Variants in SCARB2 observed in about 807,000 individuals in gnomAD.
SCARB2 encodes lysosome membrane protein 2.
A neutral mutation model predicts 58.6 loss-of-function variants in SCARB2; 29 were observed. The observed-to-expected ratio is 0.49, with a 90% CI of 0.37 to 0.67. The LOEUF (loss-of-function observed/expected upper bound fraction) is 0.67. Among genes scored for constraint, SCARB2 ranks in the 30% least tolerant of loss-of-function variants. SCARB2 has a pLI of 0.00. For missense variants in SCARB2, 488 were observed against 578.5 expected, an observed-to-expected ratio of 0.84 and a Z score of 1.60; for synonymous variants, 195 against 210.1, an observed-to-expected ratio of 0.93 and a Z score of 0.62.
Position 76,198,366 on chromosome 4 carries a change from G to A in SCARB2, c.118-2502C>T, listed in dbSNP as rs568020602. Among the ~76,000 whole-genome samples the A allele has an allele frequency of 2.6e-5, 4 of 152,330 alleles. No individual in the cohort carries two copies. The South Asian group carries it at 8.3e-4, about 32-fold the overall frequency. Reference sequence around the variant, plus strand: ...GCTTTTAGGCAACCATAAATCCAAAGACAAGTGGAAGGGTTTCCAGAAAGA... The same window carrying A: ...GCTTTTAGGCAACCATAAATCCAAAAACAAGTGGAAGGGTTTCCAGAAAGA... On this transcript the variant is annotated intron_variant, in intron 1 of 11. Transcript: ENST00000264896.
At chr4:76,212,035 G>C (rs1020632862) in intron 1 of SCARB2, among the ~76,000 whole-genome samples, 19 of 152,128 alleles carry the variant, frequency 1.2e-4, no homozygotes, top group Admixed American at 7.2e-4. Flanking sequence ...GGCTATATGG[G>C]AACCACGGGG....
Position 76,163,030 on chromosome 4 carries a change from C to A in SCARB2, c.1398+195G>T. 4.5e-6 allele frequency: 3 copies of A among 673,752 alleles called. No homozygotes were observed. In the South Asian group the frequency reaches 5.3e-5, roughly 12 times the overall value. The allele number at this position is 673,752 out of a possible 1,614,324, so 41.7% of individuals were successfully genotyped here. A position where few individuals can be genotyped will look rare whatever the true frequency, so the allele number is the denominator to read the frequency against. ...CCAAATATTAGATGGTACCTTCTAA[C>A]CCTCCACCTTCTTTGACACACTTCC... On this transcript the variant is annotated intron_variant, in intron 11 of 11. Transcript: ENST00000264896.
At chr4:76,168,575 G>A (rs1732063630) in intron 8 of SCARB2, 99 bp from the exon 9 acceptor site, 1 of 964,328 alleles carries the variant, frequency 1.0e-6, no homozygotes, top group Non-Finnish European at 1.6e-6. Flanking sequence ...CATAAACAAG[G>A]TGACCATTAC....
chr4:76,164,286 T>A (rs1484133663), intron 10 of SCARB2: 2 of 152,306 alleles, frequency 1.3e-5, no homozygotes, highest in Non-Finnish European at 2.9e-5. Context: ...GGCAGGCGGA[T>A]TGCTTGAGCT....
At chr4:76,209,462 G>A (rs368703774) in intron 1 of SCARB2, among the ~76,000 whole-genome samples, 24 of 152,040 alleles carry the variant, frequency 1.6e-4, no homozygotes, top group African/African-American at 3.4e-4. Flanking sequence ...TCCGCCTCCC[G>A]GATTCAAGCG....
intron 1 of SCARB2, among the ~76,000 whole-genome samples, chr4:76,224,908 C>T (rs1299545862): frequency 1.3e-5 from 2 of 152,024 alleles, no homozygotes; most frequent in Non-Finnish European, 2.9e-5. Context: ...CCGCCTCCTA[C>T]CCTTCCCCCC....
chr4:76,229,795 C>G (rs1472204788), intron 1 of SCARB2, among the ~76,000 whole-genome samples: 2 of 152,202 alleles, frequency 1.3e-5, no homozygotes, highest in Non-Finnish European at 1.5e-5. Flanking sequence ...GCTTAGTGTG[C>G]TGGCTTTCTT....
chr4:76,182,743 A>C (rs1206142314), intron 2 of SCARB2, among the ~76,000 whole-genome samples: 1 of 152,228 alleles, frequency 6.6e-6, no homozygotes, highest in African/African-American at 2.4e-5. Flanking sequence ...GACTGCAAGC[A>C]AGCTGAAGGC....
chr4:76,165,732 A>T (rs1241005009), intron 10 of SCARB2: 1 of 153,004 alleles, frequency 6.5e-6, no homozygotes, highest in Non-Finnish European at 1.5e-5. Context: ...GAAGTTTGCC[A>T]ATCAAGAATT....
At chr4:76,219,965 G>A (rs56153157) in intron 1 of SCARB2, among the ~76,000 whole-genome samples, 82,463 of 152,024 alleles carry the variant, frequency 0.54, 23,554 homozygotes, top group African/African-American at 0.6. Context: ...AATAAATACT[G>A]TTTCTTTTTA....
In SCARB2 at chr4:76,233,824, C is replaced by G. The variant is rs145185351; in HGVS notation, c.-358+479G>C. Among the ~76,000 whole-genome samples the G allele has an allele frequency of 2.8e-3, 432 of 152,152 alleles. 2 individuals carry two copies. The highest frequency in any genetic ancestry group is 0.01 in the African/African-American group (426 of 41,508). On this transcript the variant is annotated intron_variant, in intron 1 of 11. Transcript: ENST00000638295. ...CCAGATGAAGGCTTCATTTCAGAAC[C>G]AAAACTTTGCAGATAATACAAACAG...
intron 10 of SCARB2, chr4:76,164,659 G>T: frequency 6.6e-6 from 1 of 152,230 alleles, no homozygotes; most frequent in Non-Finnish European, 1.5e-5. Context: ...AAATTAGCCG[G>T]GCATGGTGGC....
In SCARB2 at chr4:76,160,238, A is replaced by G. The variant is rs2109929252; in HGVS notation, c.*1475T>C. On this transcript the variant is annotated 3_prime_UTR_variant, in exon 12 of 12. Coordinates refer to ENST00000264896, the MANE Select transcript of SCARB2 (RefSeq NM_005506.4). Reference sequence around the variant, plus strand: ...TCTATATTTTTTTCTTCATTTGCTTACATTGAAATCCAGTTTTAAACAAAA... The same window carrying G: ...TCTATATTTTTTTCTTCATTTGCTTGCATTGAAATCCAGTTTTAAACAAAA... The G allele has an allele frequency of 6.6e-6, 1 of 152,364 alleles. No individual in the cohort carries two copies. The highest frequency in any genetic ancestry group is 6.5e-5 in the Admixed American group (1 of 15,308). 9.4% of individuals were successfully genotyped at this position (152,364 alleles called of 1,614,324 possible).
chr4:76,193,416 C>A (rs1157639352), intron 2 of SCARB2: 3 of 152,278 alleles, frequency 2.0e-5, no homozygotes, highest in Non-Finnish European at 4.4e-5. Context: ...CCTAGTGGAG[C>A]TGTGGGAAGA....
At chr4:76,201,539 T>G (rs75528268) in intron 1 of SCARB2, among the ~76,000 whole-genome samples, 3 of 152,176 alleles carry the variant, frequency 2.0e-5, no homozygotes, top group African/African-American at 7.2e-5. Flanking sequence ...CTTGGTAAAA[T>G]CTTCAATGTG....
chr4:76,176,652 A>T, intron 4 of SCARB2, 124 bp from the exon 5 acceptor site: 1 of 683,716 alleles, frequency 1.5e-6, no homozygotes, highest in South Asian at 1.7e-5. Context: ...GGTATTTTGT[A>T]GGTGTGATTA....
At chr4:76,226,618 G>A (rs888315350) in intron 1 of SCARB2, among the ~76,000 whole-genome samples, 1 of 152,118 alleles carries the variant, frequency 6.6e-6, no homozygotes, top group Non-Finnish European at 1.5e-5. Flanking sequence ...CCTGGACCCA[G>A]GACATGTTCC....
intron 2 of SCARB2, among the ~76,000 whole-genome samples, chr4:76,182,856 CA>C (rs1732412259): frequency 6.6e-6 from 1 of 152,116 alleles, no homozygotes; most frequent in Non-Finnish European, 1.5e-5. Context: ...GTTTTTGATT[CA>C]ACAACTTAGT....
intron 9 of SCARB2, 58 bp from the exon 10 acceptor site, chr4:76,166,359 T>C (rs1732009641): frequency 1.9e-5 from 28 of 1,513,196 alleles, no homozygotes; most frequent in Non-Finnish European, 2.5e-5. Context: ...TGGCACACTT[T>C]CCCGGACAGA....
Sources: gnomAD v4.1 joint callset for allele counts (sites outside exome capture counted in the v4.1 genomes callset) on GRCh38, gnomAD v4.1.1 for gene constraint, MANE v1.5 for transcripts, NCBI Gene and HGNC (gene_info 2026-07-23, HGNC 2026-07-21) for gene names.